BMP6: variants seen among roughly 807,000 people sequenced by gnomAD.
BMP6 encodes bone morphogenetic protein 6, also known as VG-1-R.
BMP6 carries 17 observed loss-of-function variants against 54.1 expected under a neutral mutation model. That is an observed-to-expected ratio of 0.31 (90% CI 0.22 to 0.47). The LOEUF (loss-of-function observed/expected upper bound fraction) is 0.47. BMP6 is among the 20% of genes least tolerant of loss of function. BMP6 has a pLI of 1.00. For missense variants in BMP6, 720 were observed against 690.4 expected (o/e 1.04, Z -0.48); for synonymous variants, 328 against 291.2 (o/e 1.13, Z -1.28).
At chr6:7,816,968 G>C (rs567244384) in intron 1 of BMP6, among the ~76,000 whole-genome samples, 1 of 152,152 alleles carries the variant, frequency 6.6e-6, no homozygotes, top group Admixed American at 6.5e-5. Context: ...AGGGTTGTCT[G>C]TTGTTCTGAA....
intron 1 of BMP6, among the ~76,000 whole-genome samples, chr6:7,798,394 A>G (rs1758221958): frequency 6.6e-6 from 1 of 152,246 alleles, no homozygotes; most frequent in Admixed American, 6.5e-5. Context: ...AAAGAGGTCA[A>G]GTCCCTGTTC....
chr6:7,737,003 C>CATGG (rs1480024632), intron 1 of BMP6, among the ~76,000 whole-genome samples: 2 of 152,136 alleles, frequency 1.3e-5, no homozygotes, highest in Non-Finnish European at 2.9e-5. Flanking sequence ...GCCTGGCCAA[C>CATGG]ATGGCAAAAC....
chr6:7,801,384 C>T (rs1295305955), intron 1 of BMP6, among the ~76,000 whole-genome samples: 4 of 152,196 alleles, frequency 2.6e-5, no homozygotes, highest in African/African-American at 7.2e-5. Flanking sequence ...CAGTTAGTGA[C>T]GCTCGGGTGG....
At chr6:7,876,636 G>A (rs1186538442) in intron 4 of BMP6, among the ~76,000 whole-genome samples, 2 of 152,136 alleles carry the variant, frequency 1.3e-5, no homozygotes, top group South Asian at 2.1e-4. Context: ...TCTGTTTAAT[G>A]TATAACTAAT....
chr6:7,857,705 G>A (rs1759269423), intron 2 of BMP6, among the ~76,000 whole-genome samples: 3 of 152,318 alleles, frequency 2.0e-5, no homozygotes, highest in Middle Eastern at 3.4e-3. Context: ...CACTTTTACA[G>A]TCCGCAGACT....
intron 1 of BMP6, among the ~76,000 whole-genome samples, chr6:7,771,823 C>T (rs956792371): frequency 4.6e-5 from 7 of 151,930 alleles, no homozygotes; most frequent in Non-Finnish European, 8.8e-5. Context: ...GAGGCCGAGG[C>T]GGGTGGATCA....
At chr6:7,744,823 G>A (rs896306531) in intron 1 of BMP6, among the ~76,000 whole-genome samples, 5 of 152,052 alleles carry the variant, frequency 3.3e-5, no homozygotes, top group Admixed American at 2.0e-4. Flanking sequence ...CTGATTCTCC[G>A]GGCAGAAAGG....
chr6:7,750,077 G>T (rs1757400272), intron 1 of BMP6, among the ~76,000 whole-genome samples: 1 of 152,236 alleles, frequency 6.6e-6, no homozygotes, highest in Non-Finnish European at 1.5e-5. Flanking sequence ...AAGGGTGGGT[G>T]CCATGAACCC....
chr6:7,873,445 C>T (rs9379142), intron 4 of BMP6, among the ~76,000 whole-genome samples: 42 of 152,182 alleles, frequency 2.8e-4, no homozygotes, highest in African/African-American at 8.2e-4. Context: ...TTGGGTGCAC[C>T]GTCCTCTTGA....
intron 1 of BMP6, among the ~76,000 whole-genome samples, chr6:7,782,136 G>A (rs1358995137): frequency 1.3e-5 from 2 of 151,270 alleles, no homozygotes; most frequent in African/African-American, 4.8e-5. Flanking sequence ...ACATGGCGAT[G>A]GATAAGATGT....
At chr6:7,813,911 C>T (rs1037704332) in intron 1 of BMP6, among the ~76,000 whole-genome samples, 1 of 152,162 alleles carries the variant, frequency 6.6e-6, no homozygotes, top group African/African-American at 2.4e-5. Flanking sequence ...GATGTTGCGA[C>T]CACTGGTGGC....
chr6:7,779,031 T>C (rs1561769129), intron 1 of BMP6, among the ~76,000 whole-genome samples: 1 of 152,230 alleles, frequency 6.6e-6, no homozygotes, highest in Non-Finnish European at 1.5e-5. Context: ...CCTGTGATTT[T>C]AGTGTTGCAT....
chr6:7,855,205 C>G (rs941215983), intron 2 of BMP6, among the ~76,000 whole-genome samples: 3 of 152,210 alleles, frequency 2.0e-5, no homozygotes, highest in African/African-American at 7.2e-5. Flanking sequence ...AAAACAGGCA[C>G]AGGTAGTCCT....
At position 7,726,387 on chromosome 6, in the gene BMP6, A is replaced by C. The variant is rs751073706; in HGVS notation, c.-569A>C. Among the ~76,000 whole-genome samples, 1 of 152,184 alleles carries C rather than the reference A, an allele frequency of 6.6e-6. No homozygotes were observed. The highest frequency in any genetic ancestry group is 1.5e-5 in the Non-Finnish European group (1 of 68,026). On this transcript the variant is annotated 5_prime_UTR_variant, in exon 1 of 7. Coordinates refer to ENST00000283147, the MANE Select transcript of BMP6 (RefSeq NM_001718.6). ...AGAAGGAAGTTAAACCTCGCGGAAT[A>C]GACTGGCATTTCGGGACGCCTTGTC...
intron 1 of BMP6, among the ~76,000 whole-genome samples, chr6:7,835,912 C>G (rs1191005409): frequency 6.6e-6 from 1 of 152,078 alleles, no homozygotes; most frequent in East Asian, 1.9e-4. Flanking sequence ...TCTCGGCTCC[C>G]TGCAACCTCT....
intron 2 of BMP6, among the ~76,000 whole-genome samples, chr6:7,856,594 C>CTTTTTTTTTTTTTTTTTTTT (rs1561792989): frequency 1.3e-5 from 1 of 77,250 alleles, no homozygotes; most frequent in Non-Finnish European, 2.3e-5. Flanking sequence ...TTATCAAGAG[C>CTTTTTTTTTTTTTTTTTTTT]ATTTTTTTTT....
intron 1 of BMP6, among the ~76,000 whole-genome samples, chr6:7,814,468 T>C (rs1758492815): frequency 1.3e-5 from 2 of 152,250 alleles, no homozygotes; most frequent in African/African-American, 4.8e-5. Flanking sequence ...TTGCAGACTT[T>C]TGCTGTTCTT....
At chr6:7,776,293 A>G (rs1034752087) in intron 1 of BMP6, among the ~76,000 whole-genome samples, 1 of 152,212 alleles carries the variant, frequency 6.6e-6, no homozygotes, top group African/African-American at 2.4e-5. Context: ...ACTTTGGCCC[A>G]AGGGCTTTAT....
intron 1 of BMP6, among the ~76,000 whole-genome samples, chr6:7,820,076 T>C (rs1333060801): frequency 3.9e-5 from 6 of 152,234 alleles, no homozygotes; most frequent in Non-Finnish European, 7.3e-5. Context: ...ATGAAGAATT[T>C]ATAAAATAGA....
Sources: allele counts gnomAD v4.1 joint callset (sites outside exome capture counted in the v4.1 genomes callset), GRCh38; gene constraint gnomAD v4.1.1; transcripts MANE v1.5; gene names NCBI Gene and HGNC (gene_info 2026-07-23, HGNC 2026-07-21).